DCAF12: variants seen among roughly 807,000 people sequenced by gnomAD.
The protein encoded by DCAF12 is DDB1 and CUL4 associated factor 12.
DCAF12 carries 28 observed loss-of-function variants against 52.8 expected under a neutral mutation model. The ratio of observed to expected loss-of-function variants is 0.53; its 90% CI spans 0.39 to 0.73. The LOEUF is 0.73. Among genes scored for constraint, DCAF12 ranks in the 30% least tolerant of loss-of-function variants. DCAF12 has a pLI of 0.00. For synonymous variants in DCAF12, 196 were observed against 215.5 expected (o/e 0.91, Z 0.79); for missense variants, 425 against 552.2 (o/e 0.77, Z 2.31).
At chr9:34,106,586 C>A in intron 3 of DCAF12, 92 bp from the exon 4 acceptor site, 1 of 1,051,182 alleles carries the variant, frequency 9.5e-7, no homozygotes, top group South Asian at 1.4e-5. Context: ...GCATACAAGT[C>A]AGACTGAAAA....
intron 7 of DCAF12, among the ~76,000 whole-genome samples, chr9:34,092,325 C>T (rs1828657521): frequency 6.6e-6 from 1 of 152,172 alleles, no homozygotes; most frequent in African/African-American, 2.4e-5. Flanking sequence ...TCCCACCATG[C>T]CACATCTTAG....
At chr9:34,104,048 C>A (rs1197242298) in intron 4 of DCAF12, among the ~76,000 whole-genome samples, 1 of 151,994 alleles carries the variant, frequency 6.6e-6, no homozygotes. Context: ...GCAGGCAGAT[C>A]ACTTGAAGTC....
chr9:34,119,250 AAC>A (rs1447892298), intron 2 of DCAF12, among the ~76,000 whole-genome samples: 2 of 152,214 alleles, frequency 1.3e-5, no homozygotes, highest in African/African-American at 4.8e-5. Context: ...TAGCTGAAAT[AAC>A]AGTTTTAAAA....
At chr9:34,091,199 CGCCT>C in intron 7 of DCAF12, among the ~76,000 whole-genome samples, 1 of 151,812 alleles carries the variant, frequency 6.6e-6, no homozygotes, top group East Asian at 2.0e-4. Context: ...TGGTGGTACG[CGCCT>C]GTAGTCCCAG....
chr9:34,098,029 CTGCAAAGGCATG>C (rs1214169290), intron 5 of DCAF12, among the ~76,000 whole-genome samples: 1 of 152,064 alleles, frequency 6.6e-6, no homozygotes, highest in Non-Finnish European at 1.5e-5. Flanking sequence ...AATACAGCAC[CTGCAAAGGCATG>C]TGCAAATGAC....
Position 34,093,466 on chromosome 9 carries a change from A to G in DCAF12, c.862-18T>C, listed in dbSNP as rs762658386. Reference sequence around the variant, plus strand: ...GAGAGGAGCTGAAAATAGAGGAGAGATATAACCATGGCATCAGCAGAGAGG... The same window carrying G: ...GAGAGGAGCTGAAAATAGAGGAGAGGTATAACCATGGCATCAGCAGAGAGG... On this transcript the variant is annotated intron_variant, in intron 6 of 8. Coordinates refer to ENST00000361264, the MANE Select transcript of DCAF12 (RefSeq NM_015397.4). 6.2e-7 allele frequency: 1 copy of G among 1,612,518 alleles called. No individual in the cohort carries two copies. The highest frequency in any genetic ancestry group is 1.7e-5 in the Admixed American group (1 of 59,976).
intron 2 of DCAF12, among the ~76,000 whole-genome samples, chr9:34,111,372 G>T (rs551325677): frequency 6.6e-6 from 1 of 152,254 alleles, no homozygotes; most frequent in South Asian, 2.1e-4. Context: ...AAATGTCCAG[G>T]CTGATCAAGT....
At chr9:34,123,095 G>A (rs1278404610) in intron 2 of DCAF12, among the ~76,000 whole-genome samples, 9 of 152,160 alleles carry the variant, frequency 5.9e-5, no homozygotes, top group Non-Finnish European at 1.5e-5. Flanking sequence ...GGCTATCCTT[G>A]CTGTTACTGC....
chr9:34,099,285 G>A (rs2131430124), intron 4 of DCAF12, among the ~76,000 whole-genome samples: 2 of 152,232 alleles, frequency 1.3e-5, no homozygotes, highest in Middle Eastern at 6.8e-3. Flanking sequence ...TGCCTAGGCT[G>A]GAGTGCAATG....
At chr9:34,125,465 C>T in intron 1 of DCAF12, 188 bp from the exon 2 acceptor site, 2 of 698,352 alleles carry the variant, frequency 2.9e-6, no homozygotes, top group Non-Finnish European at 4.9e-6. Flanking sequence ...AAAGATGTTG[C>T]TCACAGTCAA....
chr9:34,093,402 G>A lies in DCAF12; in HGVS notation c.908C>T (p.Ala303Val), dbSNP rs149115505. Reference sequence around the variant, plus strand: ...ATAAACTGACCATTCACTACCATAAGCCAGACACACATTCTCACGGCAATA... The same window carrying A: ...ATAAACTGACCATTCACTACCATAAACCAGACACACATTCTCACGGCAATA... ...LPYCRENVCL[A>V]YGSEWSVYAV... Residue 303 changes from alanine (A) to valine (V), a missense_variant, in exon 7 of 9, where the codon GCT (alanine) becomes GTT (valine). By Grantham distance (64) the Ala-to-Val change is moderately conservative. Around this residue, in one of 3 missense-constraint regions of DCAF12, gnomAD observed 328 missense variants for 444.4 expected, o/e 0.74. Transcript: ENST00000361264. The A allele has an allele frequency of 1.0e-3, 1,613 of 1,614,144 alleles. 21 individuals are homozygous for A. The South Asian group carries it at 0.014, about 14-fold the overall frequency.
intron 6 of DCAF12, chr9:34,093,737 T>G (rs999829230): frequency 7.2e-5 from 23 of 320,792 alleles, no homozygotes; most frequent in Middle Eastern, 1.0e-3. Context: ...CTTGGTAGGC[T>G]GTTTCAACTA....
intron 4 of DCAF12, among the ~76,000 whole-genome samples, chr9:34,104,239 G>C (rs1410586694): frequency 6.6e-6 from 1 of 151,978 alleles, no homozygotes; most frequent in African/African-American, 2.4e-5. Flanking sequence ...CTGGGCGACA[G>C]AGCGAGACTC....
intron 2 of DCAF12, among the ~76,000 whole-genome samples, chr9:34,117,847 G>A (rs1322621399): frequency 6.6e-6 from 1 of 152,156 alleles, no homozygotes; most frequent in African/African-American, 2.4e-5. Context: ...CCAGGAGGCG[G>A]AGGTTGCAGT....
intron 4 of DCAF12, among the ~76,000 whole-genome samples, chr9:34,105,113 C>T (rs12337902): frequency 0.24 from 35,954 of 151,380 alleles, 4,467 homozygotes; most frequent in African/African-American, 0.29. Flanking sequence ...ATTAGCCTGG[C>T]GTGGTGGTGG....
At chr9:34,117,157 G>A (rs936156644) in intron 2 of DCAF12, among the ~76,000 whole-genome samples, 1 of 152,070 alleles carries the variant, frequency 6.6e-6, no homozygotes, top group Non-Finnish European at 1.5e-5. Flanking sequence ...TCATGACTTC[G>A]TGGAAGGAGG....
chr9:34,121,832 A>G (rs1318905502), intron 2 of DCAF12, among the ~76,000 whole-genome samples: 1 of 152,066 alleles, frequency 6.6e-6, no homozygotes, highest in Non-Finnish European at 1.5e-5. Context: ...AATCCCAGCT[A>G]CTCAGGAGGC....
chr9:34,108,800 A>AAAAAAAAT (rs1376332913), intron 2 of DCAF12, among the ~76,000 whole-genome samples: 12 of 128,396 alleles, frequency 9.3e-5, no homozygotes, highest in Non-Finnish European at 1.4e-4. Context: ...TCTCAAAAAA[A>AAAAAAAAT]ATAAATAAAT....
chr9:34,125,597 TC>T (rs1181711711), intron 1 of DCAF12: 1 of 488,988 alleles, frequency 2.0e-6, no homozygotes, highest in African/African-American at 2.0e-5. Context: ...GTAGAGTGAT[TC>T]CCATACCGAC....
Sources: gnomAD v4.1 joint callset for allele counts (sites outside exome capture counted in the v4.1 genomes callset) on GRCh38, gnomAD v4.1.1 for gene constraint, gnomAD v4.1.1 regional missense constraint, MANE v1.5 for transcripts, NCBI Gene and HGNC (gene_info 2026-07-23, HGNC 2026-07-21) for gene names.